CDH4: variants seen among roughly 807,000 people sequenced by gnomAD.
CDH4 encodes cadherin 4.
CDH4 carries 33 observed loss-of-function variants against 86.0 expected under a neutral mutation model. The ratio of observed to expected loss-of-function variants is 0.38; its 90% CI spans 0.29 to 0.51. The LOEUF is 0.51. Ranked by LOEUF, CDH4 falls within the 20% of genes least tolerant of loss-of-function variation. CDH4 has a pLI of 0.86. For missense variants in CDH4, 1,114 were observed against 1,307.4 expected (o/e 0.85, Z 2.28); for synonymous variants, 555 against 549.4 (o/e 1.01, Z -0.14).
intron 3 of CDH4, among the ~76,000 whole-genome samples, chr20:61,756,015 C>A (rs1016594456): frequency 2.6e-5 from 4 of 152,222 alleles, no homozygotes; most frequent in African/African-American, 9.6e-5. Flanking sequence ...CAGCCCGTGC[C>A]CCCCATGCTC....
intron 2 of CDH4, among the ~76,000 whole-genome samples, chr20:61,500,124 A>C (rs2085690092): frequency 6.6e-6 from 1 of 152,196 alleles, no homozygotes; most frequent in East Asian, 1.9e-4. Flanking sequence ...GGCCCAGCCG[A>C]ATGGAGCAGG....
intron 2 of CDH4, among the ~76,000 whole-genome samples, chr20:61,576,346 G>T (rs2086382447): frequency 6.6e-6 from 1 of 152,126 alleles, no homozygotes; most frequent in Non-Finnish European, 1.5e-5. Context: ...TGGCAGGTCA[G>T]GGTTAGGAGA....
intron 6 of CDH4, among the ~76,000 whole-genome samples, chr20:61,854,033 G>C (rs1982868220): frequency 6.6e-6 from 1 of 152,194 alleles, no homozygotes; most frequent in Non-Finnish European, 1.5e-5. Flanking sequence ...AGTAATCCTT[G>C]CTGATCTGAA....
intron 2 of CDH4, among the ~76,000 whole-genome samples, chr20:61,478,315 C>T (rs145247193): frequency 2.0e-3 from 297 of 152,278 alleles, no homozygotes; most frequent in Non-Finnish European, 3.3e-3. Context: ...CCGTCTCTAG[C>T]AGCAATGGGT....
chr20:61,685,901 A>G (rs1432896054), intron 2 of CDH4, among the ~76,000 whole-genome samples: 6 of 152,210 alleles, frequency 3.9e-5, no homozygotes, highest in African/African-American at 9.7e-5. Context: ...GTACCCGCAC[A>G]CCATTTAGCA....
At chr20:61,932,859 C>T in intron 13 of CDH4, 126 bp from the exon 14 acceptor site, 1 of 1,300,000 alleles carries the variant, frequency 7.7e-7, no homozygotes. Flanking sequence ...TGTGCATGCA[C>T]ACATGGGCAC....
rs922927319 is a variant in CDH4 at position 61,684,599 on chromosome 20, C to T, written c.170-58964C>T. Among the ~76,000 whole-genome samples the T allele has an allele frequency of 2.0e-5, 3 of 152,176 alleles. No homozygotes were observed. Among genetic ancestry groups the T allele is most frequent in the Non-Finnish European group, 4.4e-5 (3 of 68,030 alleles). On this transcript the variant is annotated intron_variant, in intron 2 of 15. Coordinates refer to ENST00000614565, the MANE Select transcript of CDH4 (RefSeq NM_001794.5). This position sits in a 1 kb window ranked among gnomAD's most constrained non-coding sequence, Gnocchi z 4.5. Reference sequence around the variant, plus strand: ...CTCCGTCCTGGGGGCTGAAAGGCTCCTGGGGGTTCAGTCTCTAACCTGCTC... The same window carrying T: ...CTCCGTCCTGGGGGCTGAAAGGCTCTTGGGGGTTCAGTCTCTAACCTGCTC...
chr20:61,580,711 G>A (rs766124876), intron 2 of CDH4, among the ~76,000 whole-genome samples: 14 of 152,224 alleles, frequency 9.2e-5, no homozygotes, highest in African/African-American at 1.7e-4. Context: ...AGGCTCTGGC[G>A]TCTTTGTTTC....
chr20:61,903,105 C>T (rs973011520), intron 8 of CDH4, among the ~76,000 whole-genome samples: 1 of 152,002 alleles, frequency 6.6e-6, no homozygotes, highest in Non-Finnish European at 1.5e-5. Flanking sequence ...TGCCACGTGC[C>T]AGGCCTTGTT....
chr20:61,751,433 T>C (rs1295720629), intron 3 of CDH4, among the ~76,000 whole-genome samples: 1 of 152,194 alleles, frequency 6.6e-6, no homozygotes, highest in East Asian at 1.9e-4. Context: ...ACAAAAATAA[T>C]GAGCCCAGAA....
intron 2 of CDH4, among the ~76,000 whole-genome samples, chr20:61,616,049 G>A (rs943594086): frequency 1.4e-4 from 22 of 152,312 alleles, no homozygotes; most frequent in Admixed American, 3.9e-4. Context: ...CCCCTGCGTC[G>A]TCCTGCCCTT....
intron 2 of CDH4, among the ~76,000 whole-genome samples, chr20:61,490,879 A>G (rs2145588449): frequency 6.6e-6 from 1 of 152,322 alleles, no homozygotes; most frequent in Admixed American, 6.5e-5. Flanking sequence ...AGTTACATTC[A>G]GGATAATCAA....
At chr20:61,786,898 C>T (rs1978907695) in intron 4 of CDH4, among the ~76,000 whole-genome samples, 1 of 152,302 alleles carries the variant, frequency 6.6e-6, no homozygotes, top group East Asian at 1.9e-4. Flanking sequence ...CTCCCAGGGC[C>T]ACTGTAGAGT....
chr20:61,854,505 G>T (rs1030208473), intron 6 of CDH4, among the ~76,000 whole-genome samples: 9 of 151,078 alleles, frequency 6.0e-5, no homozygotes, highest in Non-Finnish European at 5.9e-5. Context: ...TGTGCCCTTG[G>T]TCCACCCCCA....
intron 8 of CDH4, among the ~76,000 whole-genome samples, chr20:61,909,133 C>A (rs559628271): frequency 1.5e-4 from 23 of 152,320 alleles, no homozygotes; most frequent in African/African-American, 5.3e-4. Context: ...TGCCTCATGC[C>A]AGGACACAGG....
chr20:61,480,996 G>A lies in CDH4; in HGVS notation c.169+226059G>A, dbSNP rs2085565174. On this transcript the variant is annotated intron_variant, in intron 2 of 15. Transcript: ENST00000614565. This position sits in a 1 kb window ranked among gnomAD's most constrained non-coding sequence, Gnocchi z 5.2. The stretch of plus-strand genomic sequence containing the variant: ...GGTAGTCAGATGACATCCATGAGAG[G>A]CGTTCTCAGTCAGCTTCATTTCTGT... 6.6e-6 allele frequency among the ~76,000 whole-genome samples: 1 copy of A among 152,152 alleles called. No homozygotes were observed. The highest frequency in any genetic ancestry group is 1.5e-5 in the Non-Finnish European group (1 of 68,032).
Position 61,483,326 on chromosome 20 carries a change from T to G in CDH4, c.169+228389T>G, listed in dbSNP as rs575403385. Among the ~76,000 whole-genome samples the G allele has an allele frequency of 2.6e-5, 4 of 152,274 alleles. No individual in the cohort carries two copies. In the East Asian group the frequency reaches 5.8e-4, roughly 22 times the overall value. On this transcript the variant is annotated intron_variant, in intron 2 of 15. Coordinates refer to ENST00000614565, the MANE Select transcript of CDH4 (RefSeq NM_001794.5). Reference sequence around the variant, plus strand: ...AGCTGGGCCCAGTTTGATCTGTGTTTGTGGCTTTTCTACCAAACTTTCCTG... The same window carrying G: ...AGCTGGGCCCAGTTTGATCTGTGTTGGTGGCTTTTCTACCAAACTTTCCTG...
chr20:61,302,116 C>T (rs565424980), intron 2 of CDH4, among the ~76,000 whole-genome samples: 1 of 152,354 alleles, frequency 6.6e-6, no homozygotes, highest in East Asian at 1.9e-4. Context: ...GGAGACTCCA[C>T]TACAAACGGT....
chr20:61,281,067 C>T (rs970882588), intron 2 of CDH4, among the ~76,000 whole-genome samples: 1 of 152,188 alleles, frequency 6.6e-6, no homozygotes, highest in Admixed American at 6.5e-5. Flanking sequence ...AAATGGCCTG[C>T]AGATGGGGCC....
Sources: allele counts gnomAD v4.1 joint callset (sites outside exome capture counted in the v4.1 genomes callset), GRCh38; gene constraint gnomAD v4.1.1; non-coding constraint Gnocchi (gnomAD v3.1); transcripts MANE v1.5; gene names NCBI Gene and HGNC (gene_info 2026-07-23, HGNC 2026-07-21).